Variants in TAF1B observed in about 807,000 individuals in gnomAD.
The protein encoded by TAF1B is TATA box-binding protein-associated factor RNA polymerase I subunit B.
TAF1B carries 61 observed loss-of-function variants against 83.9 expected under a neutral mutation model. The observed-to-expected ratio is 0.73, with a 90% CI of 0.59 to 0.90. TAF1B has a LOEUF of 0.90. TAF1B is among the 40% of genes least tolerant of loss of function. The pLI, the probability that TAF1B is intolerant of heterozygous loss-of-function variation, is 0.00. For missense variants in TAF1B, 625 were observed against 677.0 expected (o/e 0.92, Z 0.85); for synonymous variants, 221 against 224.6 (o/e 0.98, Z 0.14).
At chr2:9,909,486 G>A (rs1189992431) in intron 9 of TAF1B, among the ~76,000 whole-genome samples, 4 of 152,238 alleles carry the variant, frequency 2.6e-5, no homozygotes, top group Admixed American at 2.0e-4. Flanking sequence ...AAGTAGCTGT[G>A]CAAAGCAGAG....
chr2:9,874,851 C>T (rs1374486312), intron 6 of TAF1B, among the ~76,000 whole-genome samples: 1 of 152,098 alleles, frequency 6.6e-6, no homozygotes, highest in African/African-American at 2.4e-5. Context: ...GAGTTGAGGT[C>T]AGAGTCAAAG....
chr2:9,878,551 A>G (rs567260773), intron 7 of TAF1B, among the ~76,000 whole-genome samples: 3 of 152,342 alleles, frequency 2.0e-5, no homozygotes, highest in South Asian at 2.1e-4. Context: ...AGCAGCATCC[A>G]TAGTCCTTAG....
rs1666009799 is a variant in TAF1B, at chr2:9,925,564, T to G, written c.1565+5744T>G. 2.7e-5 allele frequency among the ~76,000 whole-genome samples: 4 copies of G among 149,308 alleles called. No homozygotes were observed. In the Admixed American group the frequency reaches 2.7e-4, roughly 10 times the overall value. ...TTTTGTTTGGTTGGTTGATTGGTTT[T>G]GGGTTTTTTTGTTTTGGGGTGTTTG... On this transcript the variant is annotated intron_variant, in intron 14 of 14. Transcript: ENST00000263663.
chr2:9,925,069 T>G (rs1450637619), intron 14 of TAF1B, among the ~76,000 whole-genome samples: 1 of 152,206 alleles, frequency 6.6e-6, no homozygotes, highest in Non-Finnish European at 1.5e-5. Flanking sequence ...GAAATGGAAG[T>G]GCTTTGGCAG....
At chr2:9,847,102 T>A (rs540815573) in intron 2 of TAF1B, among the ~76,000 whole-genome samples, 12 of 152,338 alleles carry the variant, frequency 7.9e-5, no homozygotes, top group African/African-American at 2.9e-4. Context: ...TTCCGTTTGA[T>A]TCTGTTTGAT....
intron 5 of TAF1B, among the ~76,000 whole-genome samples, chr2:9,863,733 T>C (rs182253712): frequency 4.4e-4 from 67 of 152,222 alleles, no homozygotes; most frequent in Non-Finnish European, 1.3e-4. Context: ...AGAACAGAAA[T>C]TATAACAAAC....
At chr2:9,876,804 T>C (rs1469120227) in intron 7 of TAF1B, among the ~76,000 whole-genome samples, 1 of 152,228 alleles carries the variant, frequency 6.6e-6, no homozygotes, top group African/African-American at 2.4e-5. Flanking sequence ...AAAATGGGGC[T>C]AATAATAACT....
At chr2:9,906,241 G>A (rs990276378) in intron 9 of TAF1B, among the ~76,000 whole-genome samples, 1 of 152,156 alleles carries the variant, frequency 6.6e-6, no homozygotes, top group Admixed American at 6.5e-5. Flanking sequence ...TGGACAGAGA[G>A]GGGATGATAG....
chr2:9,878,950 A>G (rs963967700), intron 7 of TAF1B, among the ~76,000 whole-genome samples: 17 of 152,194 alleles, frequency 1.1e-4, no homozygotes, highest in African/African-American at 3.9e-4. Context: ...GCTACTCTAG[A>G]TTGGTTATTC....
Position 9,922,478 on chromosome 2 carries a change from C to T in TAF1B, c.1565+2658C>T, listed in dbSNP as rs76462075. Among the ~76,000 whole-genome samples, 715 of 152,218 alleles carry T rather than the reference C, an allele frequency of 4.7e-3. 3 individuals carry two copies. Among genetic ancestry groups the T allele is most frequent in the African/African-American group, 0.016 (677 of 41,532 alleles). On this transcript the variant is annotated intron_variant, in intron 14 of 14. Transcript: ENST00000263663. ...CCCATGTATCCACATGGGCTCACTT[C>T]TTTCAGGTTTTTGCTCAAATTTCAC... is the stretch of plus-strand genomic sequence containing the variant.
intron 8 of TAF1B, among the ~76,000 whole-genome samples, chr2:9,894,464 A>T (rs1664959930): frequency 1.3e-5 from 2 of 152,232 alleles, no homozygotes; most frequent in South Asian, 4.1e-4. Flanking sequence ...ACATTTAAAA[A>T]TAAGAGTTAT....
intron 6 of TAF1B, among the ~76,000 whole-genome samples, chr2:9,870,550 T>G (rs1664135704): frequency 6.6e-6 from 1 of 152,230 alleles, no homozygotes; most frequent in Non-Finnish European, 1.5e-5. Context: ...GCATTCATTT[T>G]CAACTCTTTT....
chr2:9,859,349 C>T (rs1199296832), intron 5 of TAF1B, among the ~76,000 whole-genome samples: 1 of 151,614 alleles, frequency 6.6e-6, no homozygotes, highest in African/African-American at 2.4e-5. Flanking sequence ...TCTGAAACCA[C>T]TTCAGCCTGG....
chr2:9,875,867 A>G lies in TAF1B; in HGVS notation c.556A>G (p.Thr186Ala), dbSNP rs776497396. 4 of 1,576,260 alleles carry G rather than the reference A, an allele frequency of 2.5e-6. No individual in the cohort carries two copies. The Admixed American group carries it at 7.0e-5, about 27-fold the overall frequency. ...FPVSKASQSETSVCSGSLDGV... is the reference protein window; with the variant it reads ...FPVSKASQSEASVCSGSLDGV... ...AAAATCTCCATTTATCTCCTAAGAA[A>G]CGTCTGTCTGCTCTGGATCTCTGGA... Residue 186 changes from threonine to alanine, a missense_variant and splice_region_variant, in exon 7 of 15, where the codon ACG (threonine) becomes GCG (alanine). By Grantham distance (58) the Thr-to-Ala change is moderately conservative (BLOSUM62 0). Transcript: ENST00000263663.
In TAF1B at chr2:9,902,373, C is replaced by G. The variant is rs114414848; in HGVS notation, c.808-2486C>G. 3.2e-3 allele frequency among the ~76,000 whole-genome samples: 491 copies of G among 152,270 alleles called. 3 individuals carry two copies. Among genetic ancestry groups the G allele is most frequent in the African/African-American group, 0.011 (472 of 41,560 alleles). On this transcript the variant is annotated intron_variant, in intron 8 of 14. Coordinates refer to ENST00000263663, the MANE Select transcript of TAF1B (RefSeq NM_005680.3). ...TTCATGGAGAAGCGTTACCAGCACC[C>G]CAGGAGCTCTGCTGGGTGCTCCCTT... is the stretch of plus-strand genomic sequence containing the variant.
chr2:9,928,756 T>A (rs182392303), intron 14 of TAF1B, among the ~76,000 whole-genome samples: 19 of 152,380 alleles, frequency 1.2e-4, no homozygotes, highest in African/African-American at 4.3e-4. Context: ...AAGGAGATTT[T>A]GGGCTGAGAT....
rs1666305012 is a variant in TAF1B at position 9,934,173 on chromosome 2, T to C, written c.*189T>C. 2.0e-6 allele frequency: 1 copy of C among 512,476 alleles called. No homozygotes were observed. The highest frequency in any genetic ancestry group is 3.2e-5 in the East Asian group (1 of 31,228). The allele number at this position is 512,476 out of a possible 1,614,324, so 31.7% of individuals were successfully genotyped here. A position where few individuals can be genotyped will look rare whatever the true frequency, so the allele number is the denominator to read the frequency against. On this transcript the variant is annotated 3_prime_UTR_variant, in exon 15 of 15. Transcript: ENST00000263663. The stretch of plus-strand genomic sequence containing the variant: ...AAAGCAGGTGAGCTTCATTTGATTT[T>C]ATTTTTCAGAGTATGAACATTCTAA...
At chr2:9,911,983 C>G (rs779688578) in intron 11 of TAF1B, among the ~76,000 whole-genome samples, 1 of 152,254 alleles carries the variant, frequency 6.6e-6, no homozygotes, top group Non-Finnish European at 1.5e-5. Context: ...ATAAACACCA[C>G]TCTTCTGTCT....
chr2:9,845,449 C>T, intron 2 of TAF1B, 131 bp downstream of exon 2: 1 of 665,734 alleles, frequency 1.5e-6, no homozygotes, highest in Middle Eastern at 4.1e-4. Flanking sequence ...TCCAAGGATG[C>T]ATGTGGTCTT....
Sources: gnomAD v4.1 joint callset for allele counts (sites outside exome capture counted in the v4.1 genomes callset) on GRCh38, gnomAD v4.1.1 for gene constraint, MANE v1.5 for transcripts, NCBI Gene and HGNC (gene_info 2026-07-23, HGNC 2026-07-21) for gene names.